Variants in KCNT1 observed in about 807,000 individuals in gnomAD.
The protein encoded by KCNT1 is potassium channel subfamily T member 1.
A neutral mutation model predicts 147.8 loss-of-function variants in KCNT1; 78 were observed. The observed-to-expected ratio is 0.53, with a 90% CI of 0.44 to 0.64. The LOEUF (loss-of-function observed/expected upper bound fraction) is 0.64, where lower values mean the gene tolerates loss of function less well. Among genes scored for constraint, KCNT1 ranks in the 30% least tolerant of loss-of-function variants. The probability of loss-of-function intolerance (pLI) is 0.00; values close to 1 mark genes in which losing one functional copy is unlikely to be tolerated. For missense variants in KCNT1, 1,419 were observed against 1,750.3 expected (o/e 0.81, Z 3.38); for synonymous variants, 867 against 748.8 (o/e 1.16, Z -2.58).
chr9:135,760,574 G>A (rs1831848873), intron 11 of KCNT1, among the ~76,000 whole-genome samples: 1 of 152,172 alleles, frequency 6.6e-6, no homozygotes, highest in Non-Finnish European at 1.5e-5. Context: ...GCTGCAGGAT[G>A]CCGGGGAGAC....
At chr9:135,762,958 G>T (rs1362382616) in intron 11 of KCNT1, among the ~76,000 whole-genome samples, 1 of 152,242 alleles carries the variant, frequency 6.6e-6, no homozygotes, top group Non-Finnish European at 1.5e-5. Context: ...CGAGCTCCGT[G>T]TCCACAGTGG....
Position 135,765,709 on chromosome 9 carries a change from T to C in KCNT1, c.1286T>C (p.Val429Ala). ...CAGATCCCTCTGTGGTCCCAGCGGG[T>C]CATCTACCTCCAGGGCTCTGCACTC... ...VLQIPLWSQR[V>A]IYLQGSALKD... is the part of the protein sequence containing the mutation. The change falls in exon 13 of 31, where the codon GTC (valine) becomes GCC (alanine). Residue 429 changes from valine to alanine, a missense_variant. Val to Ala is a moderately conservative substitution (Grantham distance 64). This residue lies in a region of KCNT1 where 401 missense variants were observed against 610.6 expected (regional missense o/e 0.66). Transcript: ENST00000371757. 6.2e-7 allele frequency: 1 copy of C among 1,610,038 alleles called. No homozygotes were observed. The highest frequency in any genetic ancestry group is 8.5e-7 in the Non-Finnish European group (1 of 1,178,450).
intron 2 of KCNT1, among the ~76,000 whole-genome samples, chr9:135,723,883 G>A (rs1836024149): frequency 1.3e-5 from 2 of 152,202 alleles, no homozygotes; most frequent in South Asian, 4.1e-4. Context: ...CCTCCATCCA[G>A]TCTGAGCGCC....
chr9:135,774,488 CTGTG>C (rs888661265), intron 19 of KCNT1, among the ~76,000 whole-genome samples: 3 of 123,206 alleles, frequency 2.4e-5, no homozygotes, highest in African/African-American at 9.6e-5. Context: ...CGTGTTGTGT[CTGTG>C]TGGTGTGTGT....
chr9:135,782,606 C>G (rs186502563), intron 24 of KCNT1, among the ~76,000 whole-genome samples: 1 of 152,366 alleles, frequency 6.6e-6, no homozygotes, highest in African/African-American at 2.4e-5. Flanking sequence ...CTGAAGCCCT[C>G]CTGTCCAGAA....
chr9:135,733,365 CCTTCATACCT>C (rs1830198123), intron 2 of KCNT1, among the ~76,000 whole-genome samples: 1 of 59,396 alleles, frequency 1.7e-5, no homozygotes, highest in Admixed American at 1.7e-4. Context: ...CCCACACCTG[CCTTCATACCT>C]GCCCCCACAA....
intron 28 of KCNT1, chr9:135,785,709 C>T (rs1833992532): frequency 2.1e-6 from 1 of 482,368 alleles, no homozygotes; most frequent in Non-Finnish European, 3.8e-6. Context: ...CTCTTCCCAG[C>T]ACCCCACGAC....
intron 2 of KCNT1, among the ~76,000 whole-genome samples, chr9:135,723,960 C>T (rs1279188985): frequency 6.6e-6 from 1 of 152,182 alleles, no homozygotes; most frequent in East Asian, 1.9e-4. Context: ...GCTGGGGAGG[C>T]CCAGGTATCC....
Position 135,786,379 on chromosome 9 carries a change from G to A in KCNT1, c.3360G>A (p.Ala1120=), listed in dbSNP as rs768977873. 1.1e-5 allele frequency: 17 copies of A among 1,576,548 alleles called. No individual in the cohort carries two copies. Among genetic ancestry groups the A allele is most frequent in the African/African-American group, 2.7e-5 (2 of 74,136 alleles). ...GGGCCCGGAGGCTGAGCCGCAAGGCGCCCAAGCAGGCAGGCCGGGCGGCGG... is the reference window on the plus strand; with the variant it reads ...GGGCCCGGAGGCTGAGCCGCAAGGCACCCAAGCAGGCAGGCCGGGCGGCGG... ...LQWARRLSRK[A]PKQAGRAAAA... Residue 1120 remains alanine (A), a synonymous_variant, in exon 29 of 31, where the codon GCG becomes GCA. Transcript: ENST00000371757.
chr9:135,757,035 C>G, intron 7 of KCNT1, 103 bp downstream of exon 7: 1 of 1,120,198 alleles, frequency 8.9e-7, no homozygotes, highest in South Asian at 1.4e-5. Flanking sequence ...CCCACACTTC[C>G]CAGCCTCATC....
intron 20 of KCNT1, 62 bp downstream of exon 20, chr9:135,775,477 C>CTT: frequency 8.1e-7 from 1 of 1,235,466 alleles, no homozygotes; most frequent in Non-Finnish European, 1.1e-6. Flanking sequence ...CCGTGCATAC[C>CTT]TGCCCTGGTT....
intron 20 of KCNT1, 119 bp downstream of exon 20, chr9:135,775,534 C>A: frequency 1.5e-6 from 1 of 688,250 alleles, no homozygotes; most frequent in Non-Finnish European, 2.3e-6. Context: ...ACTTCTAGCA[C>A]AGCTGCAAGA....
intron 28 of KCNT1, 124 bp downstream of exon 28, chr9:135,785,454 G>GGAGCGGGTCCCACGGATGT: frequency 8.1e-7 from 1 of 1,231,642 alleles, no homozygotes; most frequent in Non-Finnish European, 1.1e-6. Flanking sequence ...AGCCGAGGCA[G>GGAGCGGGTCCCACGGATGT]GAGCGGGTCC....
At chr9:135,775,009 C>T (rs981422745) in intron 19 of KCNT1, among the ~76,000 whole-genome samples, 5 of 152,262 alleles carry the variant, frequency 3.3e-5, no homozygotes, top group South Asian at 4.1e-4. Context: ...CCTTAAGGTT[C>T]GGCACCTGCA....
In KCNT1 at chr9:135,792,348, C is replaced by T. The variant is rs1834603801; in HGVS notation, c.*187C>T. 1.5e-6 allele frequency: 1 copy of T among 655,330 alleles called. No individual in the cohort carries two copies. The highest frequency in any genetic ancestry group is 3.1e-5 in the Admixed American group (1 of 32,002). 40.6% of individuals were successfully genotyped at this position (655,330 alleles called of 1,614,324 possible). Reference sequence around the variant, plus strand: ...GGGAGGGCCAGCTCACCCCTGGGCACCTGCAGGCTAGTGAGGAGAGTTTTT... The same window carrying T: ...GGGAGGGCCAGCTCACCCCTGGGCATCTGCAGGCTAGTGAGGAGAGTTTTT... On this transcript the variant is annotated 3_prime_UTR_variant, in exon 31 of 31. Transcript: ENST00000371757.
intron 10 of KCNT1, among the ~76,000 whole-genome samples, chr9:135,758,954 T>C (rs979232931): frequency 6.6e-6 from 1 of 152,172 alleles, no homozygotes; most frequent in Non-Finnish European, 1.5e-5. Context: ...GAGGGCTCCA[T>C]GTTGCTGCTC....
At chr9:135,734,498 G>A (rs1313969155) in intron 2 of KCNT1, among the ~76,000 whole-genome samples, 1 of 152,236 alleles carries the variant, frequency 6.6e-6, no homozygotes, top group Non-Finnish European at 1.5e-5. Flanking sequence ...GCAGCAAGTT[G>A]CGAAGATCCT....
intron 29 of KCNT1, chr9:135,789,640 C>T (rs1450021724): frequency 1.3e-5 from 2 of 152,220 alleles, no homozygotes; most frequent in African/African-American, 2.4e-5. Context: ...CCGTGGATGC[C>T]AAGAGCCAGG....
intron 2 of KCNT1, among the ~76,000 whole-genome samples, chr9:135,720,601 T>C (rs1374044541): frequency 1.3e-5 from 2 of 151,236 alleles, no homozygotes; most frequent in African/African-American, 4.9e-5. Context: ...CCAGGCAGCC[T>C]TCCTCCAGAG....
Sources: gnomAD v4.1 joint callset for allele counts (sites outside exome capture counted in the v4.1 genomes callset) on GRCh38, gnomAD v4.1.1 for gene constraint, gnomAD v4.1.1 regional missense constraint, MANE v1.5 for transcripts, NCBI Gene and HGNC (gene_info 2026-07-23, HGNC 2026-07-21) for gene names.